The following SNX29 variants were observed in gnomAD, a reference collection of about 807,000 sequenced individuals.
SNX29 encodes the protein sorting nexin-29.
Under a neutral mutation model 102.1 loss-of-function variants are expected in SNX29, and 78 were observed. The ratio of observed to expected loss-of-function variants is 0.76; its 90% CI spans 0.64 to 0.92. SNX29 has a LOEUF of 0.92. Ranked by LOEUF, SNX29 falls within the 40% of genes least tolerant of loss-of-function variation. The probability of loss-of-function intolerance (pLI) is 0.00; values close to 1 mark genes in which losing one functional copy is unlikely to be tolerated. For synonymous variants in SNX29, 580 were observed against 414.5 expected, an observed-to-expected ratio of 1.40 and a Z score of -4.85; for missense variants, 1,280 against 1,061.7, an observed-to-expected ratio of 1.21 and a Z score of -2.86.
chr16:12,058,809 T>G (rs143256573), intron 8 of SNX29, among the ~76,000 whole-genome samples: 69,912 of 122,674 alleles, frequency 0.57, 21,018 homozygotes, highest in African/African-American at 0.7. Context: ...TTTTTTTTTT[T>G]TTTTTTTTTT....
At chr16:12,202,496 C>T (rs907933889) in intron 14 of SNX29, among the ~76,000 whole-genome samples, 3 of 152,176 alleles carry the variant, frequency 2.0e-5, no homozygotes, top group Admixed American at 6.5e-5. Context: ...CATGCTCTTC[C>T]TCCAGCATTA....
At chr16:12,273,176 G>T (rs2079142423) in intron 14 of SNX29, among the ~76,000 whole-genome samples, 1 of 152,084 alleles carries the variant, frequency 6.6e-6, no homozygotes, top group Non-Finnish European at 1.5e-5. Flanking sequence ...ACCCAAGGCA[G>T]TCTCTCCTGG....
At chr16:12,560,142 C>T (rs1326172799) in intron 20 of SNX29, among the ~76,000 whole-genome samples, 3 of 47,644 alleles carry the variant, frequency 6.3e-5, no homozygotes, top group East Asian at 3.0e-4. Context: ...CCCTCCCCCC[C>T]CCAACAAACA....
chr16:12,260,379 CATCCTTCAT>C lies in SNX29; in HGVS notation c.1679-17553_1679-17545del, dbSNP rs1315690241. Among the ~76,000 whole-genome samples the C allele has an allele frequency of 7.2e-5, 11 of 152,314 alleles. No homozygotes were observed. The East Asian group carries it at 1.3e-3, about 19-fold the overall frequency. On this transcript the variant is annotated intron_variant, in intron 14 of 20. Coordinates refer to ENST00000566228, the MANE Select transcript of SNX29 (RefSeq NM_032167.5). ...ACCTCCCTGTTACCGTCTTCCTTCT[CATCCTTCAT>C]CTGTTGTGCGCCTGGTGCTCCTTGA...
intron 15 of SNX29, among the ~76,000 whole-genome samples, chr16:12,347,657 C>G (rs2081854556): frequency 1.3e-5 from 2 of 152,150 alleles, no homozygotes; most frequent in African/African-American, 4.8e-5. Flanking sequence ...ATAGCAGGTG[C>G]TCATTCTGTT....
chr16:12,315,940 C>T (rs1183029588), intron 15 of SNX29, among the ~76,000 whole-genome samples: 1 of 152,218 alleles, frequency 6.6e-6, no homozygotes, highest in Non-Finnish European at 1.5e-5. Context: ...CAGGCCTCTG[C>T]TCCCATGGAA....
chr16:12,192,078 A>G (rs2076656594), intron 13 of SNX29, among the ~76,000 whole-genome samples: 1 of 152,178 alleles, frequency 6.6e-6, no homozygotes, highest in Admixed American at 6.5e-5. Context: ...TGTTGTGAGT[A>G]ATTTTCCTTT....
chr16:12,170,168 G>T (rs1358710508), intron 13 of SNX29, among the ~76,000 whole-genome samples: 1 of 152,070 alleles, frequency 6.6e-6, no homozygotes, highest in Non-Finnish European at 1.5e-5. Context: ...GTCCCCTGGG[G>T]TTGAAATTGC....
intron 15 of SNX29, among the ~76,000 whole-genome samples, chr16:12,348,322 T>C (rs2081884375): frequency 6.6e-6 from 1 of 152,042 alleles, no homozygotes; most frequent in South Asian, 2.1e-4. Context: ...TGGAGAAGGC[T>C]TACCCTAGCT....
At position 12,485,544 on chromosome 16, in the gene SNX29, G is replaced by A. The variant is rs562603942; in HGVS notation, c.2178+7685G>A. Among the ~76,000 whole-genome samples, 69 of 152,276 alleles carry A rather than the reference G, an allele frequency of 4.5e-4. 1 individual carries two copies. Among genetic ancestry groups the A allele is most frequent in the Admixed American group, 5.2e-4 (8 of 15,302 alleles). ...GGAACCGACTGGTACTCGCCGAGCCGTGGGAAGCCCCTTTGCAACTTCTTG... is the reference window on the plus strand; with the variant it reads ...GGAACCGACTGGTACTCGCCGAGCCATGGGAAGCCCCTTTGCAACTTCTTG... On this transcript the variant is annotated intron_variant, in intron 19 of 20. Coordinates refer to ENST00000566228, the MANE Select transcript of SNX29 (RefSeq NM_032167.5).
rs2052499390 is a variant in SNX29, at chr16:12,091,000, G to A, written c.1402+12085G>A. Among the ~76,000 whole-genome samples the A allele has an allele frequency of 2.8e-5, 3 of 105,328 alleles. No homozygotes were observed. In the Admixed American group the frequency reaches 4.2e-4, roughly 15 times the overall value. The allele number at this position is 105,328 out of a possible 152,430, so 69.1% of individuals were successfully genotyped here. ...ACTGCACTCCAGCGTGGGCGACAGA[G>A]TGAGACTTCATCTCAAAAAAAAAAA... On this transcript the variant is annotated intron_variant, in intron 11 of 20. Coordinates refer to ENST00000566228, the MANE Select transcript of SNX29 (RefSeq NM_032167.5).
chr16:12,372,869 T>C (rs2082733050), intron 16 of SNX29: 1 of 152,212 alleles, frequency 6.6e-6, no homozygotes, highest in South Asian at 2.1e-4. Flanking sequence ...AATGAAGTTC[T>C]TGAAAGTGGG....
chr16:12,042,396 G>A (rs1441313710), intron 4 of SNX29, among the ~76,000 whole-genome samples: 13 of 152,236 alleles, frequency 8.5e-5, no homozygotes, highest in Middle Eastern at 3.4e-3. Context: ...GCGTGATGCC[G>A]AGGTTTAGGG....
chr16:12,012,100 G>A (rs1015354864), intron 3 of SNX29, among the ~76,000 whole-genome samples: 17 of 152,148 alleles, frequency 1.1e-4, no homozygotes. Context: ...GGATGAGATG[G>A]TTGCTGTCTT....
chr16:12,227,428 A>C (rs1350448954), intron 14 of SNX29, among the ~76,000 whole-genome samples: 1 of 152,190 alleles, frequency 6.6e-6, no homozygotes, highest in Non-Finnish European at 1.5e-5. Flanking sequence ...AACTGCCTGG[A>C]ATTCTTCAGA....
intron 1 of SNX29, among the ~76,000 whole-genome samples, chr16:11,987,553 C>A (rs139453786): frequency 8.5e-4 from 129 of 152,154 alleles, no homozygotes; most frequent in African/African-American, 3.0e-3. Context: ...CGTGCCACCA[C>A]GCCCAGCTAA....
rs140777337 is a variant in SNX29 at position 12,205,537 on chromosome 16, T to C, written c.1678+5854T>C. Among the ~76,000 whole-genome samples, 39 of 152,262 alleles carry C rather than the reference T, an allele frequency of 2.6e-4. No individual in the cohort carries two copies. The East Asian group carries it at 7.0e-3, about 27-fold the overall frequency. ...CCCACGCTGGCCTTTAGGCTGATCC[T>C]CAAACATGCCAGGCTGGCTCCTGCC... On this transcript the variant is annotated intron_variant, in intron 14 of 20. Transcript: ENST00000566228.
chr16:12,514,081 T>G (rs1053513384), intron 19 of SNX29, among the ~76,000 whole-genome samples: 1 of 152,212 alleles, frequency 6.6e-6, no homozygotes, highest in Admixed American at 6.5e-5. Context: ...GGTGGCAGGA[T>G]TGGGCCTGTG....
At chr16:12,563,833 C>T (rs67154011) in intron 20 of SNX29, among the ~76,000 whole-genome samples, 35,144 of 149,632 alleles carry the variant, frequency 0.23, 4,304 homozygotes, top group East Asian at 0.44. Context: ...ATTCAGGCTG[C>T]CTGTAAATAT....
Sources: gnomAD v4.1 joint callset for allele counts (sites outside exome capture counted in the v4.1 genomes callset) on GRCh38, gnomAD v4.1.1 for gene constraint, MANE v1.5 for transcripts, NCBI Gene and HGNC (gene_info 2026-07-23, HGNC 2026-07-21) for gene names.